Variants in SMIM7 observed in about 807,000 individuals in gnomAD.
The protein encoded by SMIM7 is small integral membrane protein 7, also known as UPF0608 protein C19orf42.
A neutral mutation model predicts 13.3 loss-of-function variants in SMIM7; 12 were observed. The observed-to-expected ratio is 0.90, with a 90% CI of 0.58 to 1.46. The LOEUF is 1.46. Ranked by LOEUF, SMIM7 falls within the 40% of genes most tolerant of loss-of-function variation. The pLI is 0.00. For synonymous variants in SMIM7, 36 were observed against 35.8 expected (o/e 1.01, Z -0.02); for missense variants, 114 against 94.8 (o/e 1.20, Z -0.84).
intron 4 of SMIM7, 30 bp from the exon 5 acceptor site, chr19:16,647,291 T>C (rs1216954374): frequency 1.9e-6 from 3 of 1,613,638 alleles, no homozygotes. Context: ...GAAATGTCTG[T>C]GAGGATAGGA....
chr19:16,643,660 G>C (rs2086421231), downstream of SMIM7, among the ~76,000 whole-genome samples: 2 of 152,078 alleles, frequency 1.3e-5, no homozygotes, highest in South Asian at 4.1e-4. Flanking sequence ...GCCTCCTAAA[G>C]TGCTGGGATT....
chr19:16,643,195 G>GAA (rs2086417287), downstream of SMIM7, among the ~76,000 whole-genome samples: 1 of 152,112 alleles, frequency 6.6e-6, no homozygotes, highest in Non-Finnish European at 1.5e-5. Context: ...TATCAGGTGA[G>GAA]AAAACCATGC....
chr19:16,643,637 T>C (rs1329533040), downstream of SMIM7, among the ~76,000 whole-genome samples: 1 of 152,136 alleles, frequency 6.6e-6, no homozygotes, highest in East Asian at 1.9e-4. Flanking sequence ...CCTCAAGTGA[T>C]CTACCCACCT....
intron 3 of SMIM7, chr19:16,655,436 T>G (rs915646173): frequency 2.2e-6 from 1 of 454,572 alleles, no homozygotes. Context: ...ATCCCAGCAC[T>G]TCAGGAGGCC....
At chr19:16,642,566 T>C (rs1265070186), downstream of SMIM7, among the ~76,000 whole-genome samples, 1 of 150,976 alleles carries the variant, frequency 6.6e-6, no homozygotes, top group Non-Finnish European at 1.5e-5. Context: ...AAAAGAATGA[T>C]ATTGTGGTTC....
intron 4 of SMIM7, among the ~76,000 whole-genome samples, chr19:16,633,635 G>A (rs2086337939): frequency 6.6e-6 from 1 of 152,022 alleles, no homozygotes; most frequent in Non-Finnish European, 1.5e-5. Flanking sequence ...GGGAGGCTGA[G>A]ACGGTTGAAC....
intron 4 of SMIM7, 129 bp from the exon 5 acceptor site, chr19:16,647,390 A>T (rs1400524489): frequency 3.7e-6 from 4 of 1,080,344 alleles, no homozygotes; most frequent in Non-Finnish European, 5.6e-6. Flanking sequence ...CTGATTTTTT[A>T]AAGTAACCTG....
chr19:16,633,210 A>C (rs1209627271), intron 4 of SMIM7, among the ~76,000 whole-genome samples: 1 of 151,412 alleles, frequency 6.6e-6, no homozygotes, highest in Non-Finnish European at 1.5e-5. Flanking sequence ...TAATCCCAGC[A>C]CTTTGGGAGG....
intron 4 of SMIM7, 119 bp from the exon 5 acceptor site, chr19:16,647,380 C>T: frequency 8.0e-7 from 1 of 1,252,050 alleles, no homozygotes; most frequent in Non-Finnish European, 1.1e-6. Flanking sequence ...ACATGATTGT[C>T]TGATTTTTTA....
intron 3 of SMIM7, chr19:16,659,059 G>A (rs1482472620): frequency 2.9e-6 from 1 of 347,782 alleles, no homozygotes; most frequent in Non-Finnish European, 5.4e-6. Context: ...CCAAGGCAGG[G>A]ATCACTTGAA....
intron 4 of SMIM7, among the ~76,000 whole-genome samples, chr19:16,651,398 A>T (rs189872268): frequency 6.0e-4 from 91 of 152,244 alleles, no homozygotes; most frequent in African/African-American, 2.0e-3. Flanking sequence ...ATGACCCTTG[A>T]CCTAAGTGGT....
At chr19:16,639,671 T>C (rs2086391106) in intron 4 of SMIM7, among the ~76,000 whole-genome samples, 1 of 152,168 alleles carries the variant, frequency 6.6e-6, no homozygotes, top group Non-Finnish European at 1.5e-5. Flanking sequence ...CCATGTGTGG[T>C]GGCAGAGACC....
downstream of SMIM7, among the ~76,000 whole-genome samples, chr19:16,643,110 C>T (rs564359578): frequency 1.3e-5 from 2 of 151,856 alleles, no homozygotes; most frequent in Non-Finnish European, 2.9e-5. Flanking sequence ...CCAAGTGAGA[C>T]TCTGTCTCTA....
rs116538773 is a variant in SMIM7 at position 16,637,530 on chromosome 19, C to A, written c.*138-5806G>T. Among the ~76,000 whole-genome samples, 1,002 of 152,246 alleles carry A rather than the reference C, an allele frequency of 6.6e-3. 12 individuals are homozygous for A. Among genetic ancestry groups the A allele is most frequent in the African/African-American group, 0.023 (953 of 41,546 alleles). ...AAAGAAAAGAAATGTAGGCCCTTAG[C>A]CTGTACCTCCCCAGCCTGTTAGGCA... On this transcript the variant is annotated intron_variant and NMD_transcript_variant, in intron 4 of 4. Transcript: ENST00000465250.
chr19:16,633,326 C>T (rs1259961018), intron 4 of SMIM7, among the ~76,000 whole-genome samples: 3 of 151,712 alleles, frequency 2.0e-5, no homozygotes, highest in East Asian at 1.9e-4. Context: ...GCAGGTGGTG[C>T]GCGCCTGTAA....
intron 3 of SMIM7, among the ~76,000 whole-genome samples, chr19:16,658,087 C>G (rs536022429): frequency 6.6e-6 from 1 of 152,262 alleles, no homozygotes; most frequent in South Asian, 2.1e-4. Context: ...GGGCAGTGCT[C>G]CATCATGGCA....
chr19:16,644,118 G>A (rs1386610132), downstream of SMIM7, among the ~76,000 whole-genome samples: 1 of 85,430 alleles, frequency 1.2e-5, no homozygotes, highest in South Asian at 4.0e-4. Context: ...AATTGTTTGC[G>A]TTTTTTTTTT....
chr19:16,659,880 A>T, intron 2 of SMIM7, 79 bp downstream of exon 2: 1 of 1,529,814 alleles, frequency 6.5e-7, no homozygotes, highest in South Asian at 1.2e-5. Context: ...GGGCCTGAGA[A>T]GTGCGCCGAG....
chr19:16,637,799 A>G (rs2086370207), intron 4 of SMIM7, among the ~76,000 whole-genome samples: 1 of 152,226 alleles, frequency 6.6e-6, no homozygotes, highest in African/African-American at 2.4e-5. Flanking sequence ...GCTGTTGAAC[A>G]CTATGGGTCA....
Sources: allele counts gnomAD v4.1 joint callset (sites outside exome capture counted in the v4.1 genomes callset), GRCh38; gene constraint gnomAD v4.1.1; transcripts MANE v1.5; gene names NCBI Gene and HGNC (gene_info 2026-07-23, HGNC 2026-07-21).